Variants in IGSF10 observed in about 807,000 individuals in gnomAD.
The protein encoded by IGSF10 is calvaria mechanical force protein 608.
IGSF10 carries 126 observed loss-of-function variants against 128.2 expected under a neutral mutation model. That is an observed-to-expected ratio of 0.98 (90% CI 0.85 to 1.14). The LOEUF (loss-of-function observed/expected upper bound fraction) is 1.14. IGSF10 is among the 50% of genes most tolerant of loss of function. IGSF10 has a pLI of 0.00. For missense variants in IGSF10, 3,295 were observed against 3,149.8 expected, an observed-to-expected ratio of 1.05 and a Z score of -1.10; for synonymous variants, 1,185 against 1,146.2, an observed-to-expected ratio of 1.03 and a Z score of -0.68.
the IGSF10 span, among the ~76,000 whole-genome samples, chr3:151,581,837 G>A: frequency 1.1e-3 from 168 of 152,282 alleles, 4 homozygotes; most frequent in East Asian, 0.031. Context: ...TTGGGAGGCC[G>A]AGGTGGGCGG....
intron 5 of IGSF10, among the ~76,000 whole-genome samples, chr3:151,452,236 T>C (rs1026754613): frequency 1.3e-5 from 2 of 152,216 alleles, no homozygotes; most frequent in Non-Finnish European, 2.9e-5. Context: ...AGGGACACAT[T>C]CTGAAAAATG....
At chr3:151,599,921 C>A in the IGSF10 span, among the ~76,000 whole-genome samples, 1 of 152,018 alleles carries the variant, frequency 6.6e-6, no homozygotes, top group South Asian at 2.1e-4. Context: ...CAAATAGAAC[C>A]ATCCAAGTAT....
chr3:151,445,911 T>A lies in IGSF10; in HGVS notation c.4070A>T (p.Asp1357Val). 1 of 1,614,120 alleles carries A rather than the reference T, an allele frequency of 6.2e-7. No individual in the cohort carries two copies. Residue 1357 changes from aspartate to valine, a missense_variant, in exon 6 of 8, where the codon GAC becomes GTC. Asp to Val is a radical substitution (Grantham distance 152, BLOSUM62 -3). Transcript: ENST00000282466. ...EQEPQKKNRTDPNISPDQSSG... is the reference protein window; with the variant it reads ...EQEPQKKNRTVPNISPDQSSG... The stretch of plus-strand genomic sequence containing the variant: ...ACTCTGGTCTGGAGAGATGTTTGGG[T>A]CAGTCCTGTTCTTCTTTTGAGGCTC...
the IGSF10 span, among the ~76,000 whole-genome samples, chr3:151,600,676 C>T: frequency 6.6e-6 from 1 of 151,934 alleles, no homozygotes; most frequent in Non-Finnish European, 1.5e-5. Context: ...AAAATATTGT[C>T]GAATTGACCT....
At chr3:151,519,643 C>T in the IGSF10 span, among the ~76,000 whole-genome samples, 1 of 151,756 alleles carries the variant, frequency 6.6e-6, no homozygotes, top group Non-Finnish European at 1.5e-5. Context: ...AACTAATAGA[C>T]ATCATCTTTT....
intron 4 of IGSF10, among the ~76,000 whole-genome samples, chr3:151,456,061 C>G (rs1721775807): frequency 6.6e-6 from 1 of 152,192 alleles, no homozygotes; most frequent in Non-Finnish European, 1.5e-5. Context: ...TGTTCCTCAA[C>G]AGCCATTGAA....
chr3:151,609,224 A>C, the IGSF10 span, among the ~76,000 whole-genome samples: 1 of 152,194 alleles, frequency 6.6e-6, no homozygotes, highest in African/African-American at 2.4e-5. Context: ...TTTGACATGC[A>C]TGAGGAACAG....
At position 151,457,091 on chromosome 3, in the gene IGSF10, T is replaced by C. The variant is rs759370551; in HGVS notation, c.259A>G (p.Met87Val). 1.2e-6 allele frequency: 2 copies of C among 1,614,170 alleles called. No individual in the cohort carries two copies. The highest frequency in any genetic ancestry group is 2.2e-5 in the East Asian group (1 of 44,880). The change falls in exon 4 of 8, where the codon ATG becomes GTG. Residue 87 changes from methionine to valine, a missense_variant. Physicochemically the swap from Met to Val is conservative, Grantham distance 21. Transcript: ENST00000282466. Reference sequence around the variant, plus strand: ...GTGTGAATGCCATTGCTGTGAAGCATGAGTAACTCCAGTTTGGTCAGGCCA... The same window carrying C: ...GTGTGAATGCCATTGCTGTGAAGCACGAGTAACTCCAGTTTGGTCAGGCCA... ...FSGLTKLELL[M>V]LHSNGIHTIP...
the IGSF10 span, among the ~76,000 whole-genome samples, chr3:151,594,564 G>A: frequency 4.0e-5 from 6 of 150,422 alleles, no homozygotes; most frequent in Admixed American, 6.6e-5. Context: ...CTCGTGATCC[G>A]CCTGCCTCGG....
the IGSF10 span, among the ~76,000 whole-genome samples, chr3:151,482,819 A>G: frequency 1.3e-5 from 2 of 152,224 alleles, no homozygotes; most frequent in Admixed American, 6.5e-5. Flanking sequence ...ATCATAGATA[A>G]GAGAACCTTC....
chr3:151,512,674 G>A, the IGSF10 span, among the ~76,000 whole-genome samples: 1 of 152,076 alleles, frequency 6.6e-6, no homozygotes, highest in Non-Finnish European at 1.5e-5. Context: ...ATGAATCCAG[G>A]AGCTGGTTTT....
At chr3:151,595,849 C>T in the IGSF10 span, among the ~76,000 whole-genome samples, 39,419 of 151,466 alleles carry the variant, frequency 0.26, 5,585 homozygotes, top group South Asian at 0.51. Context: ...GTTGCAGTTA[C>T]GTAGTGGAAT....
At chr3:151,605,268 A>G in the IGSF10 span, among the ~76,000 whole-genome samples, 9 of 152,176 alleles carry the variant, frequency 5.9e-5, no homozygotes, top group South Asian at 1.9e-3. Flanking sequence ...TTACAAATAA[A>G]TTTAATGTGT....
downstream of IGSF10, chr3:151,432,953 A>T: frequency 1.8e-6 from 1 of 568,156 alleles, no homozygotes; most frequent in Non-Finnish European, 3.0e-6. Flanking sequence ...AAAAAAAAAA[A>T]AGGTGTTTAA....
chr3:151,605,756 C>T, the IGSF10 span, among the ~76,000 whole-genome samples: 1 of 152,200 alleles, frequency 6.6e-6, no homozygotes, highest in African/African-American at 2.4e-5. Flanking sequence ...CTATTCTATG[C>T]TCATTTTCTT....
the IGSF10 span, among the ~76,000 whole-genome samples, chr3:151,470,299 A>G: frequency 6.6e-6 from 1 of 152,216 alleles, no homozygotes; most frequent in East Asian, 1.9e-4. Flanking sequence ...TTTTCAAGGC[A>G]AAAAGTCCAC....
chr3:151,566,917 T>C, the IGSF10 span, among the ~76,000 whole-genome samples: 1 of 152,220 alleles, frequency 6.6e-6, no homozygotes, highest in East Asian at 1.9e-4. Context: ...TCACCCTTGC[T>C]GAAGAGATGA....
downstream of IGSF10, chr3:151,434,129 TATTTC>T (rs1719829588): frequency 6.6e-6 from 1 of 152,356 alleles, no homozygotes; most frequent in Non-Finnish European, 1.5e-5. Context: ...TGTTCTCTGT[TATTTC>T]ATTTTCTTTT....
chr3:151,437,648 G>A lies in IGSF10; in HGVS notation c.6913C>T (p.Leu2305Phe). 1 of 1,614,174 alleles carries A rather than the reference G, an allele frequency of 6.2e-7. No individual in the cohort carries two copies. Among genetic ancestry groups the A allele is most frequent in the Non-Finnish European group, 8.5e-7 (1 of 1,180,032 alleles). The change falls in exon 8 of 8, where the codon CTT (leucine) becomes TTT (phenylalanine). Residue 2305 changes from leucine to phenylalanine, a missense_variant. By Grantham distance (22) the Leu-to-Phe change is conservative (BLOSUM62 0). Coordinates refer to ENST00000282466, the MANE Select transcript of IGSF10 (RefSeq NM_178822.5). ...NGTLEIRNVRLSDSADFICVA... is the reference protein window; with the variant it reads ...NGTLEIRNVRFSDSADFICVA... ...CAGATAAAGTCGGCTGAATCTGAAA[G>A]CCTCACATTCCTAATTTCCAAGGTT...
Sources: gnomAD v4.1 joint callset for allele counts (sites outside exome capture counted in the v4.1 genomes callset) on GRCh38, gnomAD v4.1.1 for gene constraint, MANE v1.5 for transcripts, NCBI Gene and HGNC (gene_info 2026-07-23, HGNC 2026-07-21) for gene names.